WWOX: variants seen among roughly 807,000 people sequenced by gnomAD.
The protein encoded by WWOX is WW domain-containing oxidoreductase.
In WWOX, 69 loss-of-function variants were observed where a neutral mutation model predicts 46.2. That is an observed-to-expected ratio of 1.49 (90% CI 1.23 to 1.82). The LOEUF (loss-of-function observed/expected upper bound fraction) is 1.82. WWOX is among the 40% of genes most tolerant of loss of function. The probability of loss-of-function intolerance (pLI) is 0.00; values close to 1 mark genes in which losing one functional copy is unlikely to be tolerated. For missense variants in WWOX, 919 were observed against 542.6 expected (o/e 1.69, Z -6.89); for synonymous variants, 359 against 202.6 (o/e 1.77, Z -6.56).
At chr16:78,387,068 C>T (rs1012075271) in intron 6 of WWOX, 120 bp downstream of exon 6, 6 of 993,338 alleles carry the variant, frequency 6.0e-6, no homozygotes, top group African/African-American at 1.6e-5. Flanking sequence ...AAACAGGAGG[C>T]TCATTTATAT....
intron 8 of WWOX, among the ~76,000 whole-genome samples, chr16:79,048,178 C>A (rs1032586894): frequency 6.6e-6 from 1 of 152,088 alleles, no homozygotes; most frequent in Non-Finnish European, 1.5e-5. Context: ...AGCTAGCCTT[C>A]GACTTTCTAT....
At chr16:78,220,395 A>G (rs1335567934) in intron 5 of WWOX, among the ~76,000 whole-genome samples, 3 of 72,228 alleles carry the variant, frequency 4.2e-5, no homozygotes, top group Non-Finnish European at 7.5e-5. Flanking sequence ...ACTGAAGTGA[A>G]TAACAAACAT....
At chr16:78,286,974 C>G (rs548891913) in intron 5 of WWOX, among the ~76,000 whole-genome samples, 1 of 152,238 alleles carries the variant, frequency 6.6e-6, no homozygotes, top group South Asian at 2.1e-4. Flanking sequence ...ATCTTAGCAG[C>G]TCCTTGTCAT....
At chr16:78,763,012 C>T (rs13332158) in intron 8 of WWOX, among the ~76,000 whole-genome samples, 16,963 of 152,120 alleles carry the variant, frequency 0.11, 1,151 homozygotes, top group African/African-American at 0.18. Flanking sequence ...TCTCCATATG[C>T]AGAGGGGTAA....
At chr16:78,954,321 T>TGGATGGAG (rs758354034) in intron 8 of WWOX, among the ~76,000 whole-genome samples, 2 of 151,894 alleles carry the variant, frequency 1.3e-5, no homozygotes, top group Non-Finnish European at 2.9e-5. Context: ...AGAAGGTGGA[T>TGGATGGAG]GGATGGAGGG....
intron 8 of WWOX, among the ~76,000 whole-genome samples, chr16:79,144,718 G>A (rs1047020240): frequency 6.6e-6 from 1 of 152,116 alleles, no homozygotes; most frequent in Non-Finnish European, 1.5e-5. Context: ...GTTCTGTACA[G>A]TAGTCCTTAA....
At chr16:78,812,620 G>C (rs186542024) in intron 8 of WWOX, among the ~76,000 whole-genome samples, 108 of 152,126 alleles carry the variant, frequency 7.1e-4, no homozygotes, top group South Asian at 1.0e-3. Flanking sequence ...CAGCTGCTCG[G>C]GAGGCTGACG....
intron 4 of WWOX, among the ~76,000 whole-genome samples, chr16:78,120,798 T>C (rs2033056656): frequency 6.6e-6 from 1 of 152,202 alleles, no homozygotes; most frequent in African/African-American, 2.4e-5. Context: ...TTACCAGTTC[T>C]ACGTGAATAG....
chr16:78,856,138 T>C (rs1433095582), intron 8 of WWOX, among the ~76,000 whole-genome samples: 1 of 152,072 alleles, frequency 6.6e-6, no homozygotes, highest in Non-Finnish European at 1.5e-5. Context: ...AGTTCAGGGT[T>C]GAAAAGAGTC....
At chr16:78,614,694 A>G (rs72805012) in intron 8 of WWOX, among the ~76,000 whole-genome samples, 7,745 of 152,300 alleles carry the variant, frequency 0.051, 295 homozygotes, top group Non-Finnish European at 0.074. Flanking sequence ...TACTAACGCT[A>G]CATGAAGAGG....
intron 8 of WWOX, among the ~76,000 whole-genome samples, chr16:78,570,269 A>C (rs2038028933): frequency 6.6e-6 from 1 of 152,192 alleles, no homozygotes; most frequent in Admixed American, 6.5e-5. Flanking sequence ...CTTGCGTATA[A>C]ATGTCCAGTT....
At chr16:78,372,757 T>C (rs1407636057) in intron 5 of WWOX, among the ~76,000 whole-genome samples, 2 of 152,218 alleles carry the variant, frequency 1.3e-5, no homozygotes, top group Non-Finnish European at 1.5e-5. Flanking sequence ...AGGATTCAGA[T>C]GTATTTGTTT....
At chr16:78,244,722 C>G (rs1008675486) in intron 5 of WWOX, among the ~76,000 whole-genome samples, 1 of 152,184 alleles carries the variant, frequency 6.6e-6, no homozygotes, top group Non-Finnish European at 1.5e-5. Flanking sequence ...GCAACACTTG[C>G]ACCTGCAGTT....
intron 8 of WWOX, chr16:78,895,795 T>C (rs1169085807): frequency 6.6e-6 from 1 of 152,250 alleles, no homozygotes; most frequent in African/African-American, 2.4e-5. Flanking sequence ...ACAAGTTTTC[T>C]TAAGAACAAT....
chr16:79,082,893 A>G (rs996694826), intron 8 of WWOX, among the ~76,000 whole-genome samples: 1 of 152,298 alleles, frequency 6.6e-6, no homozygotes, highest in Non-Finnish European at 1.5e-5. Flanking sequence ...GATGTGCATA[A>G]TAAGTTCAGG....
intron 5 of WWOX, among the ~76,000 whole-genome samples, chr16:78,193,012 C>G (rs1176206016): frequency 6.6e-6 from 1 of 152,226 alleles, no homozygotes; most frequent in African/African-American, 2.4e-5. Flanking sequence ...CGTGGCTCCA[C>G]AGTCACGGGT....
At chr16:78,603,386 C>G (rs953886847) in intron 8 of WWOX, among the ~76,000 whole-genome samples, 1 of 152,154 alleles carries the variant, frequency 6.6e-6, no homozygotes, top group East Asian at 1.9e-4. Flanking sequence ...ATCAGGCAAA[C>G]TACATGCATT....
At chr16:79,159,163 T>G (rs370468545) in intron 8 of WWOX, among the ~76,000 whole-genome samples, 9 of 152,292 alleles carry the variant, frequency 5.9e-5, no homozygotes, top group East Asian at 3.9e-4. Flanking sequence ...TTATTTCGCT[T>G]TAACAAGAGA....
chr16:78,119,997 G>C (rs1046883699), intron 4 of WWOX, among the ~76,000 whole-genome samples: 5 of 152,028 alleles, frequency 3.3e-5, no homozygotes, highest in African/African-American at 1.2e-4. Flanking sequence ...CTTCGTTACA[G>C]TTTTTGAGCC....
Sources: gnomAD v4.1 joint callset for allele counts (sites outside exome capture counted in the v4.1 genomes callset) on GRCh38, gnomAD v4.1.1 for gene constraint, MANE v1.5 for transcripts, NCBI Gene and HGNC (gene_info 2026-07-23, HGNC 2026-07-21) for gene names.